FGF13: variants seen among roughly 807,000 people sequenced by gnomAD.
FGF13 encodes fibroblast growth factor homologous factor 2.
A neutral mutation model predicts 19.5 loss-of-function variants in FGF13; 2 were observed. The ratio of observed to expected loss-of-function variants is 0.10; its 90% CI spans 0.04 to 0.32. FGF13 has a LOEUF of 0.32. Ranked by LOEUF, FGF13 falls within the 10% of genes least tolerant of loss-of-function variation. FGF13 has a pLI of 1.00. For synonymous variants in FGF13, 72 were observed against 76.9 expected (o/e 0.94, Z 0.33); for missense variants, 113 against 192.7 (o/e 0.59, Z 2.45).
At position 138,948,307 on chromosome X, in the gene FGF13, T is replaced by C. The variant is rs1461059709; in HGVS notation, c.-112-83657A>G. Among the ~76,000 whole-genome samples the C allele has an allele frequency of 2.7e-5, 3 of 111,800 alleles. No individual in the cohort carries two copies. In the Admixed American group the frequency reaches 2.9e-4, roughly 11 times the overall value. ...GAACATAAGGGGATGATGTTACTTGTTGACCTTTTTTAAAAAGATTGGTGG... is the reference window on the plus strand; with the variant it reads ...GAACATAAGGGGATGATGTTACTTGCTGACCTTTTTTAAAAAGATTGGTGG... On this transcript the variant is annotated intron_variant, in intron 1 of 2. Coordinates refer to the FGF13 transcript ENST00000421460.
At chrX:138,919,690 T>C (rs1173144629) in intron 1 of FGF13, among the ~76,000 whole-genome samples, 2 of 110,750 alleles carry the variant, frequency 1.8e-5, no homozygotes, top group Non-Finnish European at 1.9e-5. Context: ...GACAACTTAG[T>C]TGCCAGGGAT....
chrX:138,711,944 G>A (rs1373806414), upstream of FGF13, among the ~76,000 whole-genome samples: 1 of 110,848 alleles, frequency 9.0e-6, no homozygotes, highest in Non-Finnish European at 1.9e-5. Flanking sequence ...CAGTGATGGA[G>A]GAGGAACTGA....
intron 1 of FGF13, among the ~76,000 whole-genome samples, chrX:138,996,798 G>A (rs1017971325): frequency 4.4e-5 from 5 of 112,479 alleles, no homozygotes; most frequent in African/African-American, 1.6e-4. Flanking sequence ...GAAGAGAGCA[G>A]TGGTTCTCCC....
intron 3 of FGF13, among the ~76,000 whole-genome samples, chrX:138,768,249 C>A (rs1226683252): frequency 8.9e-6 from 1 of 112,267 alleles, no homozygotes; most frequent in Non-Finnish European, 1.9e-5. Flanking sequence ...ATATTCTTCC[C>A]TCTATGAAAT....
chrX:138,694,661 A>C (rs1441526725), intron 3 of FGF13, among the ~76,000 whole-genome samples: 1 of 107,083 alleles, frequency 9.3e-6, no homozygotes, highest in Non-Finnish European at 1.9e-5. Flanking sequence ...TTTTATCAGT[A>C]GAGACAAGGT....
intron 1 of FGF13, among the ~76,000 whole-genome samples, chrX:138,910,111 T>A (rs765377002): frequency 1.8e-5 from 2 of 110,710 alleles, no homozygotes; most frequent in African/African-American, 6.6e-5. Flanking sequence ...AGAGACAAGA[T>A]CAAGCTATGT....
At chrX:138,835,616 C>T (rs748140822) in intron 3 of FGF13, among the ~76,000 whole-genome samples, 30 of 111,895 alleles carry the variant, frequency 2.7e-4, no homozygotes, top group African/African-American at 9.7e-4. Flanking sequence ...TAGCTTGCCA[C>T]TGTGTGTCTT....
intron 1 of FGF13, among the ~76,000 whole-genome samples, chrX:139,043,909 A>G (rs768263502): frequency 1.2e-4 from 14 of 112,038 alleles, no homozygotes; most frequent in Non-Finnish European, 2.4e-4. Context: ...TGAAATTTCC[A>G]TAATAGGCAA....
chrX:139,003,501 C>A (rs1257426126), intron 1 of FGF13, among the ~76,000 whole-genome samples: 1 of 111,880 alleles, frequency 8.9e-6, no homozygotes, highest in Non-Finnish European at 1.9e-5. Flanking sequence ...TATCTGGCCC[C>A]ACCCACATCC....
chrX:138,760,066 T>C (rs577413136), intron 3 of FGF13, among the ~76,000 whole-genome samples: 1 of 111,427 alleles, frequency 9.0e-6, no homozygotes, highest in South Asian at 3.8e-4. Context: ...ATTGTTACAA[T>C]GAAAGGAGTC....
At chrX:138,710,481 T>C (rs1047735726) in intron 1 of FGF13, among the ~76,000 whole-genome samples, 1 of 111,110 alleles carries the variant, frequency 9.0e-6, no homozygotes, top group Non-Finnish European at 1.9e-5. Flanking sequence ...GCCTGCAATT[T>C]CCACGCCATA....
rs192801875 is a variant in FGF13 at position 138,653,250 on chromosome X, T to C, written c.403-17595A>G. 3.8e-3 allele frequency among the ~76,000 whole-genome samples: 418 copies of C among 111,275 alleles called. 2 individuals carry two copies. Among genetic ancestry groups the C allele is most frequent in the Non-Finnish European group, 5.7e-3 (304 of 53,048 alleles). On this transcript the variant is annotated intron_variant, in intron 3 of 4. Coordinates refer to ENST00000315930, the MANE Select transcript of FGF13 (RefSeq NM_004114.5). ...TTACCAAAACAAAGATAATAATCTT[T>C]TTAGAAAGAGAAATATTAACCAAAT...
intron 1 of FGF13, among the ~76,000 whole-genome samples, chrX:138,888,963 T>A (rs895483559): frequency 8.9e-6 from 1 of 112,209 alleles, no homozygotes; most frequent in Non-Finnish European, 1.9e-5. Flanking sequence ...CTGTCTTCCA[T>A]GGGCATTAGA....
intron 1 of FGF13, among the ~76,000 whole-genome samples, chrX:139,164,721 A>AAATAAATG (rs1179073034): frequency 2.3e-4 from 25 of 109,309 alleles, no homozygotes; most frequent in African/African-American, 3.7e-4. Flanking sequence ...ATAAATAAAT[A>AAATAAATG]AATGAATGGA....
intron 1 of FGF13, among the ~76,000 whole-genome samples, chrX:139,130,368 GTATT>G (rs1448822705): frequency 8.9e-6 from 1 of 112,204 alleles, no homozygotes; most frequent in African/African-American, 3.2e-5. Flanking sequence ...TAATGCCAAA[GTATT>G]TAATGTATTC....
At position 139,153,734 on chromosome X, in the gene FGF13, G is replaced by C. The variant is rs747778557; in HGVS notation, c.-113+49682C>G. ...TTTATTTGGAAATAAAGTCTCTACAGATATAATCAAGGTAAGATGATGTCA... is the reference window on the plus strand; with the variant it reads ...TTTATTTGGAAATAAAGTCTCTACACATATAATCAAGGTAAGATGATGTCA... On this transcript the variant is annotated intron_variant, in intron 1 of 2. Coordinates refer to the FGF13 transcript ENST00000421460. Among the ~76,000 whole-genome samples, 14 of 111,970 alleles carry C rather than the reference G, an allele frequency of 1.3e-4. 1 individual carries two copies. In the South Asian group the frequency reaches 4.9e-3, roughly 39 times the overall value.
At chrX:139,107,893 A>G (rs1392811473) in intron 1 of FGF13, among the ~76,000 whole-genome samples, 1 of 108,996 alleles carries the variant, frequency 9.2e-6, no homozygotes, top group Non-Finnish European at 1.9e-5. Context: ...TAAAAAAAGA[A>G]AAAAAAAATG....
At chrX:138,875,908 G>C (rs963964351) in intron 1 of FGF13, among the ~76,000 whole-genome samples, 16 of 110,459 alleles carry the variant, frequency 1.4e-4, no homozygotes, top group East Asian at 8.6e-4. Flanking sequence ...TGCATCTCTA[G>C]CTTGTTGACT....
At chrX:138,756,355 C>G (rs1026723840) in intron 3 of FGF13, among the ~76,000 whole-genome samples, 1 of 112,419 alleles carries the variant, frequency 8.9e-6, no homozygotes, top group Non-Finnish European at 1.9e-5. Flanking sequence ...AGAAGCCAAA[C>G]TAGTCACTGG....
Sources: gnomAD v4.1 joint callset for allele counts (sites outside exome capture counted in the v4.1 genomes callset) on GRCh38, gnomAD v4.1.1 for gene constraint, MANE v1.5 for transcripts, NCBI Gene and HGNC (gene_info 2026-07-23, HGNC 2026-07-21) for gene names.